PHOX2B: variants seen among roughly 807,000 people sequenced by gnomAD.
The protein encoded by PHOX2B is paired mesoderm homeobox protein 2B.
PHOX2B carries 1 observed loss-of-function variant against 15.5 expected under a neutral mutation model. The observed-to-expected ratio is 0.06, with a 90% CI of 0.02 to 0.31. PHOX2B has a LOEUF of 0.31. Ranked by LOEUF, PHOX2B falls within the 10% of genes least tolerant of loss-of-function variation. The probability of loss-of-function intolerance (pLI) is 1.00; values close to 1 mark genes in which losing one functional copy is unlikely to be tolerated. For missense variants in PHOX2B, 314 were observed against 436.4 expected (o/e 0.72, Z 2.50); for synonymous variants, 206 against 190.5 (o/e 1.08, Z -0.67).
rs1733846199 is a variant in PHOX2B, at chr4:41,745,238, A to G, written c.*569T>C. 3 of 233,512 alleles carry G rather than the reference A, an allele frequency of 1.3e-5. No homozygotes were observed. The highest frequency in any genetic ancestry group is 1.8e-4 in the South Asian group (1 of 5,546). The allele number at this position is 233,512 out of a possible 1,614,324, so 14.5% of individuals were successfully genotyped here. ...CAGCTCCAGCTGCAGCTTCTCCCCT[A>G]GCCCCTCCTTTAATTTGTCTTTTTT... On this transcript the variant is annotated 3_prime_UTR_variant, in exon 3 of 3. Coordinates refer to ENST00000226382, the MANE Select transcript of PHOX2B (RefSeq NM_003924.4). The surrounding 1 kb of genome is among the most constrained non-coding windows in gnomAD (Gnocchi z 4.0).
intron 2 of PHOX2B, 148 bp from the exon 3 acceptor site, chr4:41,746,470 T>A (rs1400793182): frequency 1.3e-6 from 1 of 749,262 alleles, no homozygotes; most frequent in Admixed American, 2.3e-5. Context: ...CGCGCGCACA[T>A]CCACCAAGTC....
Position 41,748,524 on chromosome 4 carries a change from G to A in PHOX2B, c.87C>T (p.Ala29=). 1.9e-6 allele frequency: 3 copies of A among 1,614,168 alleles called. No individual in the cohort carries two copies. Among genetic ancestry groups the A allele is most frequent in the Non-Finnish European group, 2.5e-6 (3 of 1,179,994 alleles). Residue 29 remains alanine, a synonymous_variant, in exon 1 of 3, where the codon GCC becomes GCT. Transcript: ENST00000226382. ...GGCTGCAGGAACTGAAGTCAGCATA[G>A]GCTGAAGCCAGGCTCGAGGTGTCCA... The part of the protein sequence containing the change: ...AGMDTSSLAS[A]YADFSSCSQA...
At chr4:41,747,691 G>A (rs1195183910) in intron 1 of PHOX2B, 155 bp from the exon 2 acceptor site, 12 of 726,730 alleles carry the variant, frequency 1.7e-5, no homozygotes, top group Non-Finnish European at 3.0e-5. Flanking sequence ...GGAAGAAACC[G>A]AGGAAATTTG....
Position 41,745,271 on chromosome 4 carries a change from T to C in PHOX2B, c.*536A>G, listed in dbSNP as rs1733847519. The C allele has an allele frequency of 4.3e-6, 1 of 233,694 alleles. No individual in the cohort carries two copies. The highest frequency in any genetic ancestry group is 8.5e-6 in the Non-Finnish European group (1 of 118,246). 14.5% of individuals were successfully genotyped at this position (233,694 alleles called of 1,614,324 possible). A position where few individuals can be genotyped will look rare whatever the true frequency, so the allele number is the denominator to read the frequency against. On this transcript the variant is annotated 3_prime_UTR_variant, in exon 3 of 3. Coordinates refer to ENST00000226382, the MANE Select transcript of PHOX2B (RefSeq NM_003924.4). This position sits in a 1 kb window ranked among gnomAD's most constrained non-coding sequence, Gnocchi z 4.0. ...CTTTAATTTGTCTTTTTTTTCCTTA[T>C]GTTTTTTAAACCTTTCTGGGTTGTT... is the stretch of plus-strand genomic sequence containing the variant.
rs773606043 is a variant in PHOX2B, at chr4:41,745,921, G to C, written c.831C>G (p.Pro277=). 6 of 1,600,056 alleles carry C rather than the reference G, an allele frequency of 3.7e-6. No individual in the cohort carries two copies. In the East Asian group the frequency reaches 6.9e-5, roughly 18 times the overall value. The change falls in exon 3 of 3, where the codon CCC becomes CCG. Residue 277 remains proline, a synonymous_variant. Coordinates refer to ENST00000226382, the MANE Select transcript of PHOX2B (RefSeq NM_003924.4). This position sits in a 1 kb window ranked among gnomAD's most constrained non-coding sequence, Gnocchi z 4.0. ...GGPGQGWAPG[P]GPITSIPDSL... ...AATCCGGGATGGAGGTGATGGGGCCGGGGCCGGGAGCCCAGCCTTGTCCAG... is the reference window on the plus strand; with the variant it reads ...AATCCGGGATGGAGGTGATGGGGCCCGGGCCGGGAGCCCAGCCTTGTCCAG...
Position 41,744,885 on chromosome 4 carries a change from T to C in PHOX2B, c.*922A>G, listed in dbSNP as rs1357765975. 1.3e-5 allele frequency: 3 copies of C among 233,378 alleles called. No individual in the cohort carries two copies. Among genetic ancestry groups the C allele is most frequent in the African/African-American group, 6.6e-5 (3 of 45,292 alleles). 14.5% of individuals were successfully genotyped at this position (233,378 alleles called of 1,614,324 possible). A position where few individuals can be genotyped will look rare whatever the true frequency, so the allele number is the denominator to read the frequency against. ...GAAACATGAGACACATTTTGCAGAG[T>C]TTGCAGATGAAAAGGCATCTCATGG... On this transcript the variant is annotated 3_prime_UTR_variant, in exon 3 of 3. Coordinates refer to ENST00000226382, the MANE Select transcript of PHOX2B (RefSeq NM_003924.4).
At position 41,748,454 on chromosome 4, in the gene PHOX2B, C is replaced by T; in HGVS notation, c.157G>A (p.Ala53Thr). The T allele has an allele frequency of 6.2e-7, 1 of 1,614,104 alleles. No homozygotes were observed. The highest frequency in any genetic ancestry group is 8.5e-7 in the Non-Finnish European group (1 of 1,179,990). ...GTGAGGGAAGGGCAGCCGGACGTGG[C>T]CCCAAAAGTGGTCCTTATCGGGTTA... Reference protein sequence around the residue: ...QYNPIRTTFGATSGCPSLTPG... With the variant: ...QYNPIRTTFGTTSGCPSLTPG... The change falls in exon 1 of 3, where the codon GCC becomes ACC. Residue 53 changes from alanine to threonine, a missense_variant. Transcript: ENST00000226382.
At position 41,744,107 on chromosome 4, in the gene PHOX2B, C is replaced by A; in HGVS notation, c.*1700G>T. On this transcript the variant is annotated 3_prime_UTR_variant, in exon 3 of 3. Coordinates refer to ENST00000226382, the MANE Select transcript of PHOX2B (RefSeq NM_003924.4). ...TAGACTTGCTTTTTGTTTTTATTAT[C>A]AACAATCAAGTTAATGGTACACTCT... 6.7e-6 allele frequency: 1 copy of A among 150,100 alleles called. No individual in the cohort carries two copies. Among genetic ancestry groups the A allele is most frequent in the East Asian group, 1.7e-4 (1 of 5,938 alleles). The allele number at this position is 150,100 out of a possible 1,614,324, so 9.3% of individuals were successfully genotyped here.
At chr4:41,747,305 CG>C in intron 2 of PHOX2B, 43 bp downstream of exon 2, 1 of 1,543,122 alleles carries the variant, frequency 6.5e-7, no homozygotes, top group Non-Finnish European at 8.9e-7. Context: ...CACACCTCCC[CG>C]GACCAGTGCG....
rs1237555652 is a variant in PHOX2B, at chr4:41,747,851, A to G, written c.242-315T>C. ...CCAGAGAGGAAAAAAATCCAAAAAC[A>G]TCAGTCGGAATATCAGGGAGCCAGG... On this transcript the variant is annotated intron_variant, in intron 1 of 2. Transcript: ENST00000226382. 6 of 542,260 alleles carry G rather than the reference A, an allele frequency of 1.1e-5. No homozygotes were observed. In the East Asian group the frequency reaches 2.0e-4, roughly 18 times the overall value. 33.6% of individuals were successfully genotyped at this position (542,260 alleles called of 1,614,324 possible).
chr4:41,746,835 G>C (rs1425994265), intron 2 of PHOX2B, among the ~76,000 whole-genome samples: 3 of 152,254 alleles, frequency 2.0e-5, no homozygotes, highest in Admixed American at 6.5e-5. Context: ...TGGCCAACTC[G>C]TGAGCGCACC....
Position 41,745,699 on chromosome 4 carries a change from T to C in PHOX2B, c.*108A>G, listed in dbSNP as rs1577558526. On this transcript the variant is annotated 3_prime_UTR_variant, in exon 3 of 3. Coordinates refer to ENST00000226382, the MANE Select transcript of PHOX2B (RefSeq NM_003924.4). The surrounding 1 kb of genome is among the most constrained non-coding windows in gnomAD (Gnocchi z 4.0). ...CTTTAGGCCCTCAATGAAAAAGCCA[T>C]GGCAGCAGCGACGACAATAGCCTTG... The C allele has an allele frequency of 4.3e-6, 6 of 1,395,270 alleles. No homozygotes were observed. Among genetic ancestry groups the C allele is most frequent in the Middle Eastern group, 4.7e-4 (2 of 4,228 alleles). The allele number at this position is 1,395,270 out of a possible 1,614,324, so 86.4% of individuals were successfully genotyped here.
In PHOX2B at chr4:41,746,260, C is replaced by T. The variant is rs761776635; in HGVS notation, c.492G>A (p.Ala164=). The T allele has an allele frequency of 1.2e-6, 2 of 1,613,318 alleles. No individual in the cohort carries two copies. The highest frequency in any genetic ancestry group is 2.2e-5 in the East Asian group (1 of 44,854). Residue 164 remains alanine, a synonymous_variant, in exon 3 of 3, where the codon GCG becomes GCA. Transcript: ENST00000226382. Reference sequence around the variant, plus strand: ...CCGAGGAGCCGTTCTTGGCCGCGGCCGCTGCGGCTGCCGCTGCGCGCTCCT... The same window carrying T: ...CCGAGGAGCCGTTCTTGGCCGCGGCTGCTGCGGCTGCCGCTGCGCGCTCCT... ...RKQERAAAAA[A]AAAKNGSSGK...
At position 41,746,147 on chromosome 4, in the gene PHOX2B, G is replaced by A. The variant is rs752633393; in HGVS notation, c.605C>T (p.Pro202Leu). 1 of 1,611,248 alleles carries A rather than the reference G, an allele frequency of 6.2e-7. No individual in the cohort carries two copies. ...CGCCCCGCAGCTGGGGGTGGGGTTGGGATTGGGACCTGGGCCCCCAGTGCT... is the reference window on the plus strand; with the variant it reads ...CGCCCCGCAGCTGGGGGTGGGGTTGAGATTGGGACCTGGGCCCCCAGTGCT... ...PDSTGGPGPN[P>L]NPTPSCGANG... The change falls in exon 3 of 3, where the codon CCC becomes CTC. Residue 202 changes from proline to leucine, a missense_variant. Physicochemically the swap from Pro to Leu is moderately conservative, Grantham distance 98. Around this residue, in one of 7 missense-constraint regions of PHOX2B, gnomAD observed 157 missense variants for 169.0 expected, o/e 0.93. Transcript: ENST00000226382.
chr4:41,746,546 A>T (rs1733907094), intron 2 of PHOX2B, among the ~76,000 whole-genome samples: 1 of 152,166 alleles, frequency 6.6e-6, no homozygotes, highest in East Asian at 1.9e-4. Context: ...CGCCAGGGAC[A>T]TGAAGGCTTG....
At chr4:41,747,834 G>C (rs765720573) in intron 1 of PHOX2B, 2 of 587,296 alleles carry the variant, frequency 3.4e-6, no homozygotes, top group Non-Finnish European at 6.3e-6. Context: ...AACCAGAGAG[G>C]AAAAAAATCC....
rs1285542918 is a variant in PHOX2B, at chr4:41,747,519, T to G, written c.259A>C (p.Thr87Pro). ...PYAAVPYKLF[T>P]DHGGLNEKRK... The stretch of plus-strand genomic sequence containing the variant: ...TTCTCGTTGAGGCCGCCGTGGTCCG[T>G]GAAGAGTTTGTAAGGAACTAGAGTA... Residue 87 changes from threonine to proline, a missense_variant, in exon 2 of 3, where the codon ACG (threonine) becomes CCG (proline). This residue lies in a region of PHOX2B where 102 missense variants were observed against 155.1 expected (regional missense o/e 0.66). Coordinates refer to ENST00000226382, the MANE Select transcript of PHOX2B (RefSeq NM_003924.4). The G allele has an allele frequency of 6.2e-7, 1 of 1,607,850 alleles. No homozygotes were observed. The highest frequency in any genetic ancestry group is 1.3e-5 in the African/African-American group (1 of 74,820).
chr4:41,747,307 G>T (rs774705849), intron 2 of PHOX2B, 42 bp downstream of exon 2: 40 of 1,544,484 alleles, frequency 2.6e-5, no homozygotes, highest in Admixed American at 3.3e-5. Context: ...CACCTCCCCG[G>T]ACCAGTGCGG....
At chr4:41,747,915 A>C (rs924116560) in intron 1 of PHOX2B, among the ~76,000 whole-genome samples, 1 of 152,120 alleles carries the variant, frequency 6.6e-6, no homozygotes, top group Non-Finnish European at 1.5e-5. Context: ...GGAACTTTTC[A>C]ATTCTCAGAA....
Sources: allele counts gnomAD v4.1 joint callset (sites outside exome capture counted in the v4.1 genomes callset), GRCh38; gene constraint gnomAD v4.1.1; regional missense constraint gnomAD v4.1.1; non-coding constraint Gnocchi (gnomAD v3.1); transcripts MANE v1.5; gene names NCBI Gene and HGNC (gene_info 2026-07-23, HGNC 2026-07-21).